Variants in APC observed in about 807,000 individuals in gnomAD.
APC encodes the protein APC regulator of Wnt signaling pathway.
Under a neutral mutation model 247.0 loss-of-function variants are expected in APC, and 72 were observed. The ratio of observed to expected loss-of-function variants is 0.29; its 90% CI spans 0.24 to 0.35. APC has a LOEUF of 0.35. Ranked by LOEUF, APC falls within the 10% of genes least tolerant of loss-of-function variation. The probability of loss-of-function intolerance (pLI) is 1.00; values close to 1 mark genes in which losing one functional copy is unlikely to be tolerated. For synonymous variants in APC, 1,254 were observed against 1,162.5 expected (o/e 1.08, Z -1.60); for missense variants, 3,400 against 3,360.7 (o/e 1.01, Z -0.29).
intron 1 of APC, among the ~76,000 whole-genome samples, chr5:112,719,184 G>A (rs995641548): frequency 1.3e-5 from 2 of 152,102 alleles, no homozygotes; most frequent in Non-Finnish European, 2.9e-5. Flanking sequence ...TTTGTTGGAA[G>A]TAGGTTCATT....
intron 15 of APC, 151 bp from the exon 16 acceptor site, chr5:112,837,402 A>G (rs565886570): frequency 1.9e-4 from 108 of 575,194 alleles, no homozygotes; most frequent in Non-Finnish European, 8.2e-5. Context: ...TAAACATTAC[A>G]TGAAATTAGA....
At chr5:112,753,904 T>A (rs1754659862) in intron 1 of APC, among the ~76,000 whole-genome samples, 1 of 152,234 alleles carries the variant, frequency 6.6e-6, no homozygotes, top group Admixed American at 6.5e-5. Context: ...CAGGATTTTA[T>A]TTGTTCCAAA....
chr5:112,712,964 A>G (rs1243771668), intron 1 of APC, among the ~76,000 whole-genome samples: 1 of 152,090 alleles, frequency 6.6e-6, no homozygotes, highest in Non-Finnish European at 1.5e-5. Context: ...TGAGGTTAGG[A>G]GTTTGAGACC....
intron 1 of APC, among the ~76,000 whole-genome samples, chr5:112,730,682 G>T (rs1056425190): frequency 6.6e-6 from 1 of 152,112 alleles, no homozygotes; most frequent in Non-Finnish European, 1.5e-5. Flanking sequence ...GAATTAATTT[G>T]TGTTTTTCTT....
At chr5:112,740,591 C>T (rs975038683) in intron 1 of APC, among the ~76,000 whole-genome samples, 1 of 130,386 alleles carries the variant, frequency 7.7e-6, no homozygotes, top group Non-Finnish European at 1.6e-5. Flanking sequence ...CAGTAGCAAA[C>T]ATGGCTCACT....
intron 6 of APC, 98 bp downstream of exon 6, chr5:112,781,001 T>C: frequency 1.2e-6 from 1 of 840,920 alleles, no homozygotes; most frequent in East Asian, 2.7e-5. Flanking sequence ...ATTAAAGACA[T>C]AAGGCTGTGT....
intron 1 of APC, among the ~76,000 whole-genome samples, chr5:112,729,301 T>A (rs753042867): frequency 3.9e-5 from 6 of 152,168 alleles, no homozygotes; most frequent in Non-Finnish European, 7.4e-5. Flanking sequence ...AATAAATACA[T>A]AGATAGAGCT....
chr5:112,755,165 G>A (rs1754827540), intron 2 of APC, 140 bp downstream of exon 2: 9 of 1,239,878 alleles, frequency 7.3e-6, no homozygotes, highest in South Asian at 6.1e-5. Flanking sequence ...GCAAAAGTTA[G>A]CATTTATATT....
intron 10 of APC, among the ~76,000 whole-genome samples, chr5:112,820,964 C>T (rs911319367): frequency 6.6e-6 from 1 of 152,000 alleles, no homozygotes; most frequent in Non-Finnish European, 1.5e-5. Context: ...CAGGCTCAAG[C>T]ACTCCTCCTA....
intron 8 of APC, among the ~76,000 whole-genome samples, chr5:112,814,616 A>G (rs1476260367): frequency 6.6e-6 from 1 of 152,032 alleles, no homozygotes; most frequent in Non-Finnish European, 1.5e-5. Context: ...GAACCACTCA[A>G]CTGCTGAAAA....
rs2149913416 is a variant in APC, at chr5:112,839,979, A to G, written c.4385A>G (p.Lys1462Arg). 1 of 1,614,116 alleles carries G rather than the reference A, an allele frequency of 6.2e-7. No individual in the cohort carries two copies. The highest frequency in any genetic ancestry group is 8.5e-7 in the Non-Finnish European group (1 of 1,180,014). ...VPKNKAPTAE[K>R]RESGPKQAAV... ...AAAAATAAAGCACCTACTGCTGAAA[A>G]GAGAGAGAGTGGACCTAAGCAAGCT... is the stretch of plus-strand genomic sequence containing the variant. The change falls in exon 16 of 16, where the codon AAG becomes AGG. Residue 1462 changes from lysine (K) to arginine (R), a missense_variant. Lys to Arg is a conservative substitution (Grantham distance 26). Around this residue, in one of 9 missense-constraint regions of APC, gnomAD observed 1,788 missense variants for 1,649.5 expected, o/e 1.08. Coordinates refer to ENST00000257430, the MANE Select transcript of APC (RefSeq NM_000038.6). The surrounding 1 kb of genome is among the most constrained non-coding windows in gnomAD (Gnocchi z 5.0).
chr5:112,783,467 A>G (rs1426550582), intron 6 of APC, among the ~76,000 whole-genome samples: 1 of 151,978 alleles, frequency 6.6e-6, no homozygotes, highest in African/African-American at 2.4e-5. Flanking sequence ...TAATATCCCT[A>G]CTCTACAAGG....
rs760755317 is a variant in APC, at chr5:112,842,846, A to G, written c.7252A>G (p.Arg2418Gly). Residue 2418 changes from arginine to glycine, a missense_variant, in exon 16 of 16, where the codon AGA (arginine) becomes GGA (glycine). By Grantham distance (125) the Arg-to-Gly change is moderately radical. Transcript: ENST00000257430. ...AGCCAATAAAAAGGTAGAACTTTCT[A>G]GAATGTCTTCAACTAAATCAAGTGG... Reference protein sequence around the residue: ...NGANKKVELSRMSSTKSSGSE... With the variant: ...NGANKKVELSGMSSTKSSGSE... The G allele has an allele frequency of 1.2e-6, 2 of 1,613,872 alleles. No individual in the cohort carries two copies. Among genetic ancestry groups the G allele is most frequent in the Non-Finnish European group, 1.7e-6 (2 of 1,179,936 alleles).
intron 2 of APC, among the ~76,000 whole-genome samples, chr5:112,763,612 G>A (rs965569102): frequency 6.6e-6 from 1 of 151,852 alleles, no homozygotes; most frequent in Non-Finnish European, 1.5e-5. Context: ...GATGTACGAA[G>A]GATTTTTTAT....
At chr5:112,810,286 A>G (rs1735411834) in intron 8 of APC, 1 of 350,590 alleles carries the variant, frequency 2.9e-6, no homozygotes, top group Non-Finnish European at 5.6e-6. Flanking sequence ...TGTCACAGCA[A>G]AAGGTGGCGA....
chr5:112,834,035 T>A (rs974046170), intron 14 of APC, among the ~76,000 whole-genome samples: 3 of 151,976 alleles, frequency 2.0e-5, no homozygotes, highest in African/African-American at 4.8e-5. Flanking sequence ...TACTGCAGCC[T>A]TGACCTCCCA....
At chr5:112,802,323 T>C (rs535867051) in intron 8 of APC, among the ~76,000 whole-genome samples, 4 of 152,254 alleles carry the variant, frequency 2.6e-5, no homozygotes, top group East Asian at 1.9e-4. Context: ...TAGCATTATA[T>C]TGGAAAACAA....
At chr5:112,728,579 T>TA (rs771646106) in intron 1 of APC, among the ~76,000 whole-genome samples, 1 of 152,208 alleles carries the variant, frequency 6.6e-6, no homozygotes, top group Non-Finnish European at 1.5e-5. Flanking sequence ...ATAAAGTTCT[T>TA]ACGCACAGTT....
intron 2 of APC, among the ~76,000 whole-genome samples, chr5:112,757,654 G>T (rs569849622): frequency 6.6e-6 from 1 of 152,124 alleles, no homozygotes; most frequent in African/African-American, 2.4e-5. Context: ...TTGTACTCCA[G>T]CCTGGGCAAA....
Sources: allele counts gnomAD v4.1 joint callset (sites outside exome capture counted in the v4.1 genomes callset), GRCh38; gene constraint gnomAD v4.1.1; regional missense constraint gnomAD v4.1.1; non-coding constraint Gnocchi (gnomAD v3.1); transcripts MANE v1.5; gene names NCBI Gene and HGNC (gene_info 2026-07-23, HGNC 2026-07-21).